C2orf76: variants seen among roughly 807,000 people sequenced by gnomAD.
C2orf76 encodes the protein chromosome 2 open reading frame 76.
C2orf76 carries 23 observed loss-of-function variants against 16.9 expected under a neutral mutation model. The ratio of observed to expected loss-of-function variants is 1.36; its 90% confidence interval spans 0.98 to 1.93. C2orf76 has a LOEUF of 1.93. Among genes scored for constraint, C2orf76 ranks in the 30% most tolerant of loss-of-function variants. The pLI is 0.00. For missense variants in C2orf76, 152 were observed against 152.6 expected, an observed-to-expected ratio of 1.00 and a Z score of 0.02; for synonymous variants, 48 against 52.3, an observed-to-expected ratio of 0.92 and a Z score of 0.35.
chr2:119,355,360 C>A (rs1182079046), intron 1 of C2orf76, among the ~76,000 whole-genome samples: 3 of 152,182 alleles, frequency 2.0e-5, no homozygotes, highest in African/African-American at 4.8e-5. Context: ...ATGTACATAG[C>A]GAACAGCTTA....
chr2:119,315,179 AATACACACACAC>A (rs777567003), intron 4 of C2orf76, among the ~76,000 whole-genome samples: 10 of 151,974 alleles, frequency 6.6e-5, no homozygotes, highest in Non-Finnish European at 1.0e-4. Flanking sequence ...TACCATCCAT[AATACACACACAC>A]ATACACACAC....
intron 1 of C2orf76, 161 bp downstream of exon 1, chr2:119,366,629 G>A (rs1266313451): frequency 4.8e-6 from 2 of 419,274 alleles, no homozygotes; most frequent in Non-Finnish European, 9.3e-6. Flanking sequence ...TTCAGGCCGG[G>A]CAAGATTTAA....
At chr2:119,359,270 A>G (rs1185805418) in intron 1 of C2orf76, among the ~76,000 whole-genome samples, 1 of 152,240 alleles carries the variant, frequency 6.6e-6, no homozygotes, top group Non-Finnish European at 1.5e-5. Context: ...ATTACTGCTC[A>G]TTGACAATGC....
the C2orf76 span, among the ~76,000 whole-genome samples, chr2:119,293,496 G>A: frequency 6.6e-6 from 1 of 152,240 alleles, no homozygotes; most frequent in Non-Finnish European, 1.5e-5. Context: ...ACTGAGGCAT[G>A]ACAGGATCTG....
At position 119,327,225 on chromosome 2, in the gene C2orf76, T is replaced by C. The variant is rs1679534932; in HGVS notation, c.134-6021A>G. Among the ~76,000 whole-genome samples the C allele has an allele frequency of 3.3e-5, 5 of 152,198 alleles. No individual in the cohort carries two copies. In the South Asian group the frequency reaches 1.0e-3, roughly 32 times the overall value. ...TCATCAGGTAGAGGAAGTTCCTTTT[T>C]ATTCCTAGCTTGAAAAGAGTTTTTA... On this transcript the variant is annotated intron_variant, in intron 2 of 5. Coordinates refer to ENST00000334816, the MANE Select transcript of C2orf76 (RefSeq NM_001322331.2).
At chr2:119,363,251 C>T (rs570391115) in intron 1 of C2orf76, among the ~76,000 whole-genome samples, 9 of 152,172 alleles carry the variant, frequency 5.9e-5, no homozygotes, top group South Asian at 4.2e-4. Flanking sequence ...AGTGAAACCC[C>T]GTCTCTACCC....
At chr2:119,334,379 C>CAA (rs34753333) in intron 2 of C2orf76, among the ~76,000 whole-genome samples, 93 of 71,620 alleles carry the variant, frequency 1.3e-3, no homozygotes, top group East Asian at 5.3e-3. Flanking sequence ...GTATGCAAAG[C>CAA]AAAAAAAAAA....
the C2orf76 span, among the ~76,000 whole-genome samples, chr2:119,288,760 C>A: frequency 6.6e-6 from 1 of 151,982 alleles, no homozygotes; most frequent in Non-Finnish European, 1.5e-5. Flanking sequence ...TTGCTCAGGC[C>A]AGAGACTGGA....
chr2:119,323,476 C>T (rs77234924), intron 2 of C2orf76, among the ~76,000 whole-genome samples: 4,302 of 152,222 alleles, frequency 0.028, 185 homozygotes, highest in African/African-American at 0.095. Flanking sequence ...ACAGCGTGTG[C>T]TCCAGTGGTG....
intron 2 of C2orf76, among the ~76,000 whole-genome samples, chr2:119,321,434 A>G (rs1679338553): frequency 6.6e-6 from 1 of 152,204 alleles, no homozygotes; most frequent in East Asian, 1.9e-4. Context: ...AAAATGTTTA[A>G]TGGACTGGGG....
chr2:119,285,574 T>C, the C2orf76 span, among the ~76,000 whole-genome samples: 2 of 152,340 alleles, frequency 1.3e-5, no homozygotes, highest in East Asian at 3.9e-4. Flanking sequence ...TCAGCACATA[T>C]ATTTTAAACA....
intron 5 of C2orf76, among the ~76,000 whole-genome samples, chr2:119,304,326 C>T (rs915072006): frequency 6.6e-6 from 1 of 152,206 alleles, no homozygotes; most frequent in Admixed American, 6.5e-5. Context: ...GCTCAGTCCA[C>T]GCTAACTGTA....
the C2orf76 span, among the ~76,000 whole-genome samples, chr2:119,293,702 C>T: frequency 6.6e-6 from 1 of 152,310 alleles, no homozygotes; most frequent in East Asian, 1.9e-4. Flanking sequence ...GTGAGAGGCG[C>T]CTGGGCCCTG....
rs1678993777 is a variant in C2orf76 at position 119,311,663 on chromosome 2, A to C, written c.263T>G (p.Leu88Arg). ...LVLSLEDDER[L>R]LLKEDSTLKA... ...CAGAGTGCTGTCTTCTTTCAGCAGGAGTCTTTCGTCATCTTCCAAACTCAA... is the reference window on the plus strand; with the variant it reads ...CAGAGTGCTGTCTTCTTTCAGCAGGCGTCTTTCGTCATCTTCCAAACTCAA... Residue 88 changes from leucine (L) to arginine (R), a missense_variant, in exon 5 of 6, where the codon CTC becomes CGC. By Grantham distance (102) the Leu-to-Arg change is moderately radical. Coordinates refer to ENST00000334816, the MANE Select transcript of C2orf76 (RefSeq NM_001322331.2). 6.2e-7 allele frequency: 1 copy of C among 1,613,028 alleles called. No homozygotes were observed. The highest frequency in any genetic ancestry group is 8.5e-7 in the Non-Finnish European group (1 of 1,179,866).
At chr2:119,283,076 A>T in the C2orf76 span, among the ~76,000 whole-genome samples, 1 of 152,212 alleles carries the variant, frequency 6.6e-6, no homozygotes, top group Non-Finnish European at 1.5e-5. Flanking sequence ...GGTCCTTCAC[A>T]GTGGAGGGCA....
At chr2:119,301,105 A>ACACACACAC (rs1553444732), downstream of C2orf76, among the ~76,000 whole-genome samples, 6 of 135,832 alleles carry the variant, frequency 4.4e-5, no homozygotes, top group African/African-American at 1.9e-4. Context: ...ACACACACAC[A>ACACACACAC]ACTAATTTCT....
At chr2:119,331,044 C>A (rs1053621286) in intron 2 of C2orf76, among the ~76,000 whole-genome samples, 4 of 151,666 alleles carry the variant, frequency 2.6e-5, no homozygotes, top group Admixed American at 6.6e-5. Flanking sequence ...TTTTTCTGCT[C>A]ATTATGGGTC....
the C2orf76 span, among the ~76,000 whole-genome samples, chr2:119,281,685 A>G: frequency 6.6e-6 from 1 of 152,234 alleles, no homozygotes; most frequent in South Asian, 2.1e-4. Flanking sequence ...AAGACCTTAA[A>G]GCAGTTACAA....
intron 1 of C2orf76, among the ~76,000 whole-genome samples, chr2:119,350,302 TTA>T (rs1680357613): frequency 6.6e-6 from 1 of 152,058 alleles, no homozygotes; most frequent in African/African-American, 2.4e-5. Flanking sequence ...CTATTCATAA[TTA>T]TATATGTTAG....
Sources: allele counts gnomAD v4.1 joint callset (sites outside exome capture counted in the v4.1 genomes callset), GRCh38; gene constraint gnomAD v4.1.1; transcripts MANE v1.5; gene names NCBI Gene and HGNC (gene_info 2026-07-23, HGNC 2026-07-21).